Variants in IMMP2L observed in about 807,000 individuals in gnomAD.
IMMP2L encodes the protein inner mitochondrial membrane peptidase subunit 2.
Under a neutral mutation model 19.3 loss-of-function variants are expected in IMMP2L, and 18 were observed. The observed-to-expected ratio is 0.93, with a 90% confidence interval of 0.64 to 1.38. The LOEUF (loss-of-function observed/expected upper bound fraction) is 1.38. Ranked by LOEUF, IMMP2L falls within the 40% of genes most tolerant of loss-of-function variation. IMMP2L has a pLI of 0.00. For missense variants in IMMP2L, 233 were observed against 218.2 expected (o/e 1.07, Z -0.43); for synonymous variants, 76 against 73.0 (o/e 1.04, Z -0.21).
At chr7:110,929,965 G>A (rs540854067) in intron 4 of IMMP2L, among the ~76,000 whole-genome samples, 10 of 152,228 alleles carry the variant, frequency 6.6e-5, no homozygotes, top group African/African-American at 1.7e-4. Context: ...TTAAATACTC[G>A]TTTGTCAAGA....
rs1409116052 is a variant in IMMP2L at position 111,519,144 on chromosome 7, C to T, written c.135+2169G>A. 2.6e-5 allele frequency among the ~76,000 whole-genome samples: 4 copies of T among 152,282 alleles called. No individual in the cohort carries two copies. The East Asian group carries it at 7.7e-4, about 29-fold the overall frequency. On this transcript the variant is annotated intron_variant, in intron 2 of 5. Coordinates refer to ENST00000405709, the MANE Select transcript of IMMP2L (RefSeq NM_032549.4). ...CACACTGAAATCAAGGCAGTAGGAG[C>T]AATCTCTCTCAGGCGGTGAAGAAAC...
In IMMP2L at chr7:111,142,345, AAAGAAAGAAAGAAAG is replaced by A. The variant is rs1803018897; in HGVS notation, c.240-178795_240-178781del. Among the ~76,000 whole-genome samples, 3 of 27,032 alleles carry A rather than the reference AAAGAAAGAAAGAAAG, an allele frequency of 1.1e-4. No individual in the cohort carries two copies. In the South Asian group the frequency reaches 9.3e-3, roughly 84 times the overall value. 17.7% of individuals were successfully genotyped at this position (27,032 alleles called of 152,430 possible). A position where few individuals can be genotyped will look rare whatever the true frequency, so the allele number is the denominator to read the frequency against. ...TGTCTCAAAAAAAAAAAAAAAAAAG[AAAGAAAGAAAGAAAG>A]AAAGAAAGAATAGAAAAGAGCTTAA... is the stretch of plus-strand genomic sequence containing the variant. On this transcript the variant is annotated intron_variant, in intron 3 of 5. Coordinates refer to ENST00000405709, the MANE Select transcript of IMMP2L (RefSeq NM_032549.4).
chr7:111,392,797 C>T, intron 3 of IMMP2L: 1 of 456,604 alleles, frequency 2.2e-6, no homozygotes, highest in South Asian at 1.5e-5. Flanking sequence ...AAACACTTTA[C>T]TTACCATTAC....
intron 4 of IMMP2L, among the ~76,000 whole-genome samples, chr7:110,914,813 C>T (rs941024937): frequency 2.0e-5 from 3 of 151,906 alleles, no homozygotes; most frequent in African/African-American, 7.3e-5. Context: ...ACATATATTC[C>T]ATGAACTTTT....
intron 3 of IMMP2L, among the ~76,000 whole-genome samples, chr7:111,469,424 A>G (rs1055434664): frequency 2.0e-5 from 3 of 151,924 alleles, no homozygotes; most frequent in African/African-American, 7.3e-5. Context: ...ATCCTCTTTT[A>G]TTTCATTGAG....
chr7:110,983,908 A>G (rs1023749741), intron 3 of IMMP2L, among the ~76,000 whole-genome samples: 2 of 151,924 alleles, frequency 1.3e-5, no homozygotes, highest in African/African-American at 4.8e-5. Flanking sequence ...ATCACCCACT[A>G]TCTCCCCCAA....
intron 5 of IMMP2L, among the ~76,000 whole-genome samples, chr7:110,790,147 G>A (rs1800367309): frequency 6.6e-6 from 1 of 151,492 alleles, no homozygotes; most frequent in Non-Finnish European, 1.5e-5. Flanking sequence ...ATTCCTTATT[G>A]TTAAAGGCCA....
chr7:110,665,214 C>G (rs934240183), intron 5 of IMMP2L, among the ~76,000 whole-genome samples: 1 of 152,148 alleles, frequency 6.6e-6, no homozygotes, highest in Admixed American at 6.5e-5. Context: ...GTACAAAAAA[C>G]AGCTCCATCA....
At chr7:111,047,743 G>T (rs1014965826) in intron 3 of IMMP2L, among the ~76,000 whole-genome samples, 6 of 152,094 alleles carry the variant, frequency 3.9e-5, no homozygotes, top group Admixed American at 1.3e-4. Context: ...AGAGATTAAG[G>T]TGGTGGCTAG....
At chr7:111,232,259 T>C (rs1294059324) in intron 3 of IMMP2L, among the ~76,000 whole-genome samples, 2 of 151,746 alleles carry the variant, frequency 1.3e-5, no homozygotes, top group Non-Finnish European at 2.9e-5. Flanking sequence ...GACTCATGTA[T>C]AGAATGAAGA....
chr7:111,003,415 A>T (rs547922377), intron 3 of IMMP2L, among the ~76,000 whole-genome samples: 14 of 152,336 alleles, frequency 9.2e-5, no homozygotes, highest in South Asian at 6.2e-4. Context: ...GCCAGGAGTC[A>T]TACAAAAACC....
At chr7:110,962,452 T>C (rs892473988) in intron 4 of IMMP2L, 3 of 146,912 alleles carry the variant, frequency 2.0e-5, no homozygotes, top group African/African-American at 7.6e-5. Context: ...TTTTTTTTTT[T>C]ACATTTTTGC....
chr7:111,084,797 CA>C (rs1796173651), intron 3 of IMMP2L, among the ~76,000 whole-genome samples: 1 of 152,006 alleles, frequency 6.6e-6, no homozygotes, highest in Admixed American at 6.6e-5. Flanking sequence ...AGTCAACTGA[CA>C]AAGTAGGTAG....
intron 3 of IMMP2L, among the ~76,000 whole-genome samples, chr7:110,976,974 T>C (rs888954261): frequency 3.3e-5 from 5 of 151,988 alleles, no homozygotes; most frequent in African/African-American, 9.7e-5. Context: ...AATCTACAAC[T>C]AGTATGAAGC....
rs1798303061 is a variant in IMMP2L, at chr7:110,760,706, T to G, written c.409-96985A>C. ...CTTTCTTTTTGTTCTACAATATATT[T>G]ATTTCAAAATCTCTCATAGCACTTC... On this transcript the variant is annotated intron_variant, in intron 5 of 5. Coordinates refer to ENST00000405709, the MANE Select transcript of IMMP2L (RefSeq NM_032549.4). This position sits in a 1 kb window ranked among gnomAD's most constrained non-coding sequence, Gnocchi z 4.2. Among the ~76,000 whole-genome samples, 1 of 152,154 alleles carries G rather than the reference T, an allele frequency of 6.6e-6. No homozygotes were observed. Among genetic ancestry groups the G allele is most frequent in the Non-Finnish European group, 1.5e-5 (1 of 68,032 alleles).
At chr7:111,094,360 T>A (rs214891) in intron 3 of IMMP2L, among the ~76,000 whole-genome samples, 1 of 152,026 alleles carries the variant, frequency 6.6e-6, no homozygotes, top group African/African-American at 2.4e-5. Flanking sequence ...AAGCTAATAG[T>A]AGACTAAAAA....
At chr7:110,805,466 T>A (rs1801565841) in intron 5 of IMMP2L, among the ~76,000 whole-genome samples, 1 of 152,102 alleles carries the variant, frequency 6.6e-6, no homozygotes, top group African/African-American at 2.4e-5. Context: ...TCTGAACAGA[T>A]ATATACTAAT....
At position 111,163,471 on chromosome 7, in the gene IMMP2L, C is replaced by A. The variant is rs560870923; in HGVS notation, c.240-199906G>T. On this transcript the variant is annotated intron_variant, in intron 3 of 5. Transcript: ENST00000405709. ...TTAACTAGTGTCTAGCTTTGTTTAT[C>A]CTTGACACTCTGAAAAAAAGTTGAT... Among the ~76,000 whole-genome samples the A allele has an allele frequency of 3.9e-4, 59 of 152,180 alleles. 2 individuals are homozygous for A. In the South Asian group the frequency reaches 9.7e-3, roughly 25 times the overall value.
intron 4 of IMMP2L, among the ~76,000 whole-genome samples, chr7:110,929,686 C>T (rs531539495): frequency 3.6e-4 from 55 of 152,316 alleles, no homozygotes; most frequent in Admixed American, 1.2e-3. Context: ...TCAACATCTT[C>T]TGCCTAAGCA....
Sources: gnomAD v4.1 joint callset for allele counts (sites outside exome capture counted in the v4.1 genomes callset) on GRCh38, gnomAD v4.1.1 for gene constraint, Gnocchi (gnomAD v3.1) non-coding constraint, MANE v1.5 for transcripts, NCBI Gene and HGNC (gene_info 2026-07-23, HGNC 2026-07-21) for gene names.